Variants in ERC1 observed in about 807,000 individuals in gnomAD.
ERC1 encodes ELKS/RAB6-interacting/CAST family member 1, also known as RAB6 interacting protein 2.
ERC1 carries 56 observed loss-of-function variants against 132.0 expected under a neutral mutation model. The ratio of observed to expected loss-of-function variants is 0.42; its 90% confidence interval spans 0.34 to 0.53. The LOEUF (loss-of-function observed/expected upper bound fraction) is 0.53. Ranked by LOEUF, ERC1 falls within the 20% of genes least tolerant of loss-of-function variation. The probability of loss-of-function intolerance (pLI) is 0.03; values close to 1 mark genes in which losing one functional copy is unlikely to be tolerated. For synonymous variants in ERC1, 478 were observed against 476.1 expected (o/e 1.00, Z -0.05); for missense variants, 1,202 against 1,349.9 (o/e 0.89, Z 1.72).
chr12:1,404,874 C>T (rs2091349072), intron 16 of ERC1, among the ~76,000 whole-genome samples: 1 of 152,134 alleles, frequency 6.6e-6, no homozygotes, highest in Admixed American at 6.5e-5. Context: ...CGCAGTGGCT[C>T]ATGCCTGTAA....
At chr12:1,167,817 A>G (rs982916284) in intron 8 of ERC1, among the ~76,000 whole-genome samples, 4 of 149,182 alleles carry the variant, frequency 2.7e-5, no homozygotes, top group African/African-American at 9.9e-5. Context: ...CCTGGGTTCC[A>G]GCAGTTCCCC....
At chr12:1,181,698 G>T (rs1042713457) in intron 9 of ERC1, among the ~76,000 whole-genome samples, 1 of 151,342 alleles carries the variant, frequency 6.6e-6, no homozygotes, top group South Asian at 2.1e-4. Flanking sequence ...CAGGAGAATC[G>T]CTTGAACCCG....
At chr12:1,025,291 C>T (rs1966845593) in intron 1 of ERC1, among the ~76,000 whole-genome samples, 1 of 152,144 alleles carries the variant, frequency 6.6e-6, no homozygotes, top group Admixed American at 6.5e-5. Context: ...CCCTTTATAA[C>T]ACAAGTTTCC....
In ERC1 at chr12:1,389,322, C is replaced by A. The variant is rs78156653; in HGVS notation, c.2925+17345C>A. 3.3e-5 allele frequency among the ~76,000 whole-genome samples: 5 copies of A among 152,236 alleles called. No individual in the cohort carries two copies. In the East Asian group the frequency reaches 9.6e-4, roughly 29 times the overall value. On this transcript the variant is annotated intron_variant, in intron 16 of 18. Coordinates refer to ENST00000360905, the MANE Select transcript of ERC1 (RefSeq NM_178040.4). ...GAGCTAGAAATGATAATTTTGGAGTCATCAGAACAGAAATACTACTTAAAC... is the reference window on the plus strand; with the variant it reads ...GAGCTAGAAATGATAATTTTGGAGTAATCAGAACAGAAATACTACTTAAAC...
At chr12:1,385,000 T>A (rs2089156977) in intron 16 of ERC1, among the ~76,000 whole-genome samples, 1 of 152,202 alleles carries the variant, frequency 6.6e-6, no homozygotes, top group Admixed American at 6.5e-5. Flanking sequence ...TGAATGGATA[T>A]TACTGTGTTT....
intron 15 of ERC1, among the ~76,000 whole-genome samples, chr12:1,313,199 G>T (rs985554166): frequency 4.6e-5 from 7 of 152,022 alleles, no homozygotes; most frequent in African/African-American, 1.7e-4. Context: ...TCCAGAATAT[G>T]AAGAAAGACA....
rs960899528 is a variant in ERC1 at position 1,493,029 on chromosome 12, C to T, written c.*2799C>T. 1 of 225,074 alleles carries T rather than the reference C, an allele frequency of 4.4e-6. No individual in the cohort carries two copies. The highest frequency in any genetic ancestry group is 8.9e-6 in the Non-Finnish European group (1 of 112,898). The allele number at this position is 225,074 out of a possible 1,614,324, so 13.9% of individuals were successfully genotyped here. ...CCCTTTAGCACCTAAAGATCTGCACCCCAAACCAATGTCACCATAAAGAGG... is the reference window on the plus strand; with the variant it reads ...CCCTTTAGCACCTAAAGATCTGCACTCCAAACCAATGTCACCATAAAGAGG... On this transcript the variant is annotated 3_prime_UTR_variant, in exon 19 of 19. Transcript: ENST00000360905.
intron 2 of ERC1, among the ~76,000 whole-genome samples, chr12:1,034,088 G>T (rs1460641266): frequency 1.3e-5 from 2 of 151,890 alleles, no homozygotes. Flanking sequence ...TCTTTTTCTT[G>T]GTAAAAATGA....
At position 1,091,048 on chromosome 12, in the gene ERC1, C is replaced by A. The variant is rs113861793; in HGVS notation, c.1086+7468C>A. On this transcript the variant is annotated intron_variant, in intron 3 of 18. Transcript: ENST00000360905. ...GAGTAGCTGGGACAACAGGCGTGCA[C>A]AAGCTAATTTTTGTATTTTTAGTAG... 2.6e-5 allele frequency among the ~76,000 whole-genome samples: 4 copies of A among 152,166 alleles called. No homozygotes were observed. The Middle Eastern group carries it at 0.01, about 388-fold the overall frequency.
intron 15 of ERC1, among the ~76,000 whole-genome samples, chr12:1,321,185 A>AC (rs1254002959): frequency 7.9e-5 from 12 of 152,354 alleles, no homozygotes; most frequent in Non-Finnish European, 1.3e-4. Context: ...TCACAACAGG[A>AC]CATAAACATT....
At chr12:1,487,109 G>A (rs1016699263) in intron 18 of ERC1, among the ~76,000 whole-genome samples, 1 of 152,120 alleles carries the variant, frequency 6.6e-6, no homozygotes, top group Non-Finnish European at 1.5e-5. Flanking sequence ...TATTTACAAG[G>A]TACCCAGCCT....
intron 1 of ERC1, among the ~76,000 whole-genome samples, chr12:1,021,215 A>G (rs934751271): frequency 6.6e-6 from 1 of 151,848 alleles, no homozygotes; most frequent in Non-Finnish European, 1.5e-5. Flanking sequence ...TGCTGGGGTT[A>G]CAGGCATGAG....
At chr12:1,031,249 C>G (rs897599310) in intron 2 of ERC1, among the ~76,000 whole-genome samples, 1 of 152,176 alleles carries the variant, frequency 6.6e-6, no homozygotes, top group African/African-American at 2.4e-5. Flanking sequence ...CATCTACTGA[C>G]AACTTTGCTA....
intron 7 of ERC1, among the ~76,000 whole-genome samples, chr12:1,128,118 A>G (rs1948399118): frequency 6.6e-6 from 1 of 152,032 alleles, no homozygotes; most frequent in Non-Finnish European, 1.5e-5. Context: ...TCCCACAGGT[A>G]AAAGCATTGC....
At chr12:1,466,422 A>G (rs1253906139) in intron 18 of ERC1, among the ~76,000 whole-genome samples, 1 of 152,138 alleles carries the variant, frequency 6.6e-6, no homozygotes, top group East Asian at 1.9e-4. Context: ...CAGTCACATC[A>G]TTCTGAGGTT....
At chr12:1,216,621 G>GC (rs1450639874) in intron 12 of ERC1, among the ~76,000 whole-genome samples, 2 of 137,502 alleles carry the variant, frequency 1.5e-5, no homozygotes, top group African/African-American at 2.7e-5. Flanking sequence ...GGGATGGGGG[G>GC]TGGGGGGCGG....
chr12:1,146,503 T>C (rs1015608596), intron 8 of ERC1, among the ~76,000 whole-genome samples: 3 of 151,862 alleles, frequency 2.0e-5, no homozygotes, highest in Admixed American at 1.3e-4. Flanking sequence ...TTTGTAGTTA[T>C]ATGACCTTAT....
chr12:1,337,761 C>A (rs996599767), intron 15 of ERC1, among the ~76,000 whole-genome samples: 2 of 152,140 alleles, frequency 1.3e-5, no homozygotes, highest in African/African-American at 2.4e-5. Flanking sequence ...TCAGCATTTG[C>A]TGGTGTGAAA....
intron 18 of ERC1, among the ~76,000 whole-genome samples, chr12:1,489,601 A>T (rs996097220): frequency 6.6e-6 from 1 of 152,244 alleles, no homozygotes; most frequent in African/African-American, 2.4e-5. Flanking sequence ...CAAAGGGATT[A>T]TCTTGTGTTT....
Sources: gnomAD v4.1 joint callset for allele counts (sites outside exome capture counted in the v4.1 genomes callset) on GRCh38, gnomAD v4.1.1 for gene constraint, MANE v1.5 for transcripts, NCBI Gene and HGNC (gene_info 2026-07-23, HGNC 2026-07-21) for gene names.